CRTC1: variants seen among roughly 807,000 people sequenced by gnomAD.
CRTC1 encodes the protein CREB-regulated transcription coactivator 1.
CRTC1 carries 18 observed loss-of-function variants against 66.1 expected under a neutral mutation model. The observed-to-expected ratio is 0.27, with a 90% CI of 0.19 to 0.40. The LOEUF is 0.40. CRTC1 is among the 10% of genes least tolerant of loss of function. The pLI, the probability that CRTC1 is intolerant of heterozygous loss-of-function variation, is 1.00. For synonymous variants in CRTC1, 416 were observed against 398.8 expected (o/e 1.04, Z -0.51); for missense variants, 669 against 887.9 (o/e 0.75, Z 3.13).
At chr19:18,744,888 C>G (rs1049151446) in intron 2 of CRTC1, among the ~76,000 whole-genome samples, 2 of 152,198 alleles carry the variant, frequency 1.3e-5, no homozygotes, top group African/African-American at 4.8e-5. Context: ...AGCAGCAATC[C>G]TAGCCATGGA....
Position 18,771,453 on chromosome 19 carries a change from G to C in CRTC1, c.1332G>C (p.Leu444=). 3 of 1,613,094 alleles carry C rather than the reference G, an allele frequency of 1.9e-6. No individual in the cohort carries two copies. The highest frequency in any genetic ancestry group is 2.5e-6 in the Non-Finnish European group (3 of 1,179,546). ...MGIDIASAPA[L]QQYRTSAGSP... ...GTCTGTCATCGCAGGCGCCGGCTCT[G>C]CAGCAGTACCGCACTAGCGCCGGCT... The change falls in exon 11 of 14, where the codon CTG becomes CTC. Residue 444 remains leucine, a synonymous_variant. Transcript: ENST00000321949. This position sits in a 1 kb window ranked among gnomAD's most constrained non-coding sequence, Gnocchi z 4.6.
intron 1 of CRTC1, among the ~76,000 whole-genome samples, chr19:18,727,312 T>C (rs2053776588): frequency 6.6e-6 from 1 of 151,296 alleles, no homozygotes; most frequent in Non-Finnish European, 1.5e-5. Context: ...TCAGGCACGG[T>C]GGTTCACGCG....
chr19:18,751,885 C>T (rs1367291819), intron 5 of CRTC1, among the ~76,000 whole-genome samples: 1 of 152,014 alleles, frequency 6.6e-6, no homozygotes, highest in Non-Finnish European at 1.5e-5. Context: ...TAGGGCCAGG[C>T]GCGGTGGGTC....
chr19:18,704,159 G>C (rs2053208736), intron 1 of CRTC1, among the ~76,000 whole-genome samples: 1 of 152,166 alleles, frequency 6.6e-6, no homozygotes, highest in African/African-American at 2.4e-5. Flanking sequence ...GGATCTGCCT[G>C]TGTTGCCCAG....
intron 1 of CRTC1, among the ~76,000 whole-genome samples, chr19:18,687,311 A>G (rs968830731): frequency 6.6e-5 from 10 of 152,160 alleles, no homozygotes; most frequent in East Asian, 5.8e-4. Flanking sequence ...GGCATGAGCC[A>G]CTGTGCCCAG....
Position 18,747,129 on chromosome 19 carries a change from A to AGCC in CRTC1, c.443+15_443+16insGCC. On this transcript the variant is annotated intron_variant, in intron 4 of 13. Transcript: ENST00000321949. Reference sequence around the variant, plus strand: ...AGCTGGAGAAGGTCAGTGGCTGGACACCCCCCCCCCGCCCCCTTCTTGTTG... The same window carrying AGCC: ...AGCTGGAGAAGGTCAGTGGCTGGACAGCCCCCCCCCCCCGCCCCCTTCTTGTTG... The AGCC allele has an allele frequency of 9.0e-7, 1 of 1,106,732 alleles. No homozygotes were observed. The highest frequency in any genetic ancestry group is 1.2e-6 in the Non-Finnish European group (1 of 800,240). 68.6% of individuals were successfully genotyped at this position (1,106,732 alleles called of 1,614,324 possible). A position where few individuals can be genotyped will look rare whatever the true frequency, so the allele number is the denominator to read the frequency against.
intron 1 of CRTC1, among the ~76,000 whole-genome samples, chr19:18,721,414 C>T (rs937123568): frequency 5.3e-5 from 8 of 150,944 alleles, no homozygotes; most frequent in African/African-American, 9.8e-5. Context: ...AGGATGGTCT[C>T]GATTTCCTGA....
intron 1 of CRTC1, among the ~76,000 whole-genome samples, chr19:18,739,862 C>T (rs575730610): frequency 2.0e-5 from 3 of 152,202 alleles, no homozygotes; most frequent in South Asian, 4.1e-4. Flanking sequence ...CAGGAGTCTC[C>T]GTGCCCACCC....
chr19:18,691,361 A>C (rs1227552258), intron 1 of CRTC1, among the ~76,000 whole-genome samples: 7 of 151,798 alleles, frequency 4.6e-5, no homozygotes, highest in Admixed American at 4.6e-4. Flanking sequence ...ACGAAAAAAA[A>C]TTGTTTTTTA....
At position 18,760,042 on chromosome 19, in the gene CRTC1, G is replaced by A; in HGVS notation, c.700G>A (p.Ala234Thr). ...GTCTGCCGACCAGGAAAACACTACAGCCCTGATCCCCGCCACCCACAACAC... is the reference window on the plus strand; with the variant it reads ...GTCTGCCGACCAGGAAAACACTACAACCCTGATCCCCGCCACCCACAACAC... The part of the protein sequence containing the change: ...FPSADQENTT[A>T]LIPATHNTGG... Residue 234 changes from alanine (A) to threonine (T), a missense_variant, in exon 8 of 14, where the codon GCC becomes ACC. Ala to Thr is a moderately conservative substitution (Grantham distance 58). Around this residue, in one of 8 missense-constraint regions of CRTC1, gnomAD observed 214 missense variants for 323.4 expected, o/e 0.66. Coordinates refer to ENST00000321949, the MANE Select transcript of CRTC1 (RefSeq NM_015321.3). The surrounding 1 kb of genome is among the most constrained non-coding windows in gnomAD (Gnocchi z 6.2). The A allele has an allele frequency of 6.2e-7, 1 of 1,603,660 alleles. No homozygotes were observed. Among genetic ancestry groups the A allele is most frequent in the Non-Finnish European group, 8.5e-7 (1 of 1,173,182 alleles).
chr19:18,710,024 C>CA (rs2053353849), intron 1 of CRTC1, among the ~76,000 whole-genome samples: 1 of 152,000 alleles, frequency 6.6e-6, no homozygotes, highest in Non-Finnish European at 1.5e-5. Flanking sequence ...CCCGCCCCCC[C>CA]ACACTTCTTT....
chr19:18,729,207 C>T (rs1196617823), intron 1 of CRTC1, among the ~76,000 whole-genome samples: 1 of 148,776 alleles, frequency 6.7e-6, no homozygotes, highest in Admixed American at 6.7e-5. Flanking sequence ...GGGCGGATCA[C>T]GAGGTCAGGA....
chr19:18,755,913 T>G (rs1196412267), intron 6 of CRTC1, among the ~76,000 whole-genome samples: 4 of 152,122 alleles, frequency 2.6e-5, no homozygotes, highest in Non-Finnish European at 4.4e-5. Context: ...ATTTTTTAAT[T>G]TTTGTTAAAG....
rs2054847520 is a variant in CRTC1, at chr19:18,770,840, GTGTGCA to G, written c.1321-597_1321-592del. Among the ~76,000 whole-genome samples the G allele has an allele frequency of 2.7e-5, 4 of 149,786 alleles. 1 individual carries two copies. In the South Asian group the frequency reaches 8.6e-4, roughly 32 times the overall value. On this transcript the variant is annotated intron_variant, in intron 10 of 13. Coordinates refer to ENST00000321949, the MANE Select transcript of CRTC1 (RefSeq NM_015321.3). ...CGTGGGTGTGTCCATGTGGGTGTGG[GTGTGCA>G]TGTGGGTGTGGGTGTGCATGCGTGG...
At chr19:18,753,612 T>C (rs772925998) in intron 6 of CRTC1, 27 bp downstream of exon 6, 2 of 1,553,906 alleles carry the variant, frequency 1.3e-6, no homozygotes, top group Non-Finnish European at 1.8e-6. Context: ...TTTCAAAAAC[T>C]TTTTTTCTTC....
At chr19:18,703,534 C>G (rs1051123164) in intron 1 of CRTC1, among the ~76,000 whole-genome samples, 2 of 152,140 alleles carry the variant, frequency 1.3e-5, no homozygotes, top group African/African-American at 2.4e-5. Flanking sequence ...TCTCAGCTCA[C>G]TGCAAGCAAC....
chr19:18,780,192 G>C lies in CRTC1; in HGVS notation c.*2810G>C, dbSNP rs912965875. On this transcript the variant is annotated 3_prime_UTR_variant, in exon 14 of 14. Coordinates refer to ENST00000321949, the MANE Select transcript of CRTC1 (RefSeq NM_015321.3). ...CCGTCTGTGTCCTTGGTCAGGCCCG[G>C]ATGCTTGGTCTACACTGGGTTAGAG... The C allele has an allele frequency of 1.7e-5, 4 of 231,716 alleles. No homozygotes were observed. The highest frequency in any genetic ancestry group is 3.4e-5 in the Non-Finnish European group (4 of 117,208). The allele number at this position is 231,716 out of a possible 1,614,324, so 14.4% of individuals were successfully genotyped here.
At chr19:18,702,577 A>C (rs374707722) in intron 1 of CRTC1, among the ~76,000 whole-genome samples, 1 of 137,956 alleles carries the variant, frequency 7.2e-6, no homozygotes, top group South Asian at 2.2e-4. Flanking sequence ...CTTGTTGCTC[A>C]GGCTGGAGTG....
intron 1 of CRTC1, chr19:18,735,650 G>C (rs1040615663): frequency 2.0e-5 from 3 of 152,406 alleles, no homozygotes; most frequent in Non-Finnish European, 4.4e-5. Flanking sequence ...GATGGTAAGT[G>C]GCTCCAGAAG....
Sources: gnomAD v4.1 joint callset for allele counts (sites outside exome capture counted in the v4.1 genomes callset) on GRCh38, gnomAD v4.1.1 for gene constraint, gnomAD v4.1.1 regional missense constraint, Gnocchi (gnomAD v3.1) non-coding constraint, MANE v1.5 for transcripts, NCBI Gene and HGNC (gene_info 2026-07-23, HGNC 2026-07-21) for gene names.